ATG2B: variants seen among roughly 807,000 people sequenced by gnomAD.
ATG2B encodes autophagy related 2B, also known as autophagy-related protein 2 homolog B.
ATG2B carries 121 observed loss-of-function variants against 241.3 expected under a neutral mutation model. The observed-to-expected ratio is 0.50, with a 90% CI of 0.43 to 0.58. ATG2B has a LOEUF of 0.58. Among genes scored for constraint, ATG2B ranks in the 20% least tolerant of loss-of-function variants. The pLI, the probability that ATG2B is intolerant of heterozygous loss-of-function variation, is 0.00. For missense variants in ATG2B, 2,306 were observed against 2,491.6 expected, an observed-to-expected ratio of 0.93 and a Z score of 1.59; for synonymous variants, 858 against 876.6, an observed-to-expected ratio of 0.98 and a Z score of 0.37.
In ATG2B at chr14:96,328,719, C is replaced by A; in HGVS notation, c.1929G>T (p.Val643=). 1.2e-6 allele frequency: 2 copies of A among 1,612,308 alleles called. No individual in the cohort carries two copies. Among genetic ancestry groups the A allele is most frequent in the South Asian group, 1.1e-5 (1 of 90,474 alleles). The change falls in exon 13 of 42, where the codon GTG becomes GTT. Residue 643 remains valine, a synonymous_variant. Coordinates refer to ENST00000359933, the MANE Select transcript of ATG2B (RefSeq NM_018036.7). ...SKEETGSHSP[V]CLQLHYKHSE... is the part of the protein sequence containing the mutation. ...AATGCTTATAATGAAGCTGAAGACA[C>A]ACAGGGGAATGGGAACCAGTTTCTT...
rs371523660 is a variant in ATG2B, at chr14:96,329,519, T to C, written c.1846A>G (p.Thr616Ala). The change falls in exon 12 of 42, where the codon ACT becomes GCT. Residue 616 changes from threonine (T) to alanine (A), a missense_variant. Around this residue, in one of 2 missense-constraint regions of ATG2B, gnomAD observed 1,927 missense variants for 2,011.2 expected, o/e 0.96. Transcript: ENST00000359933. ...TGAGGAGGAACAGAATGAAAATCAGTTGGAAATAGGCACTCCAAAAATTCC... is the reference window on the plus strand; with the variant it reads ...TGAGGAGGAACAGAATGAAAATCAGCTGGAAATAGGCACTCCAAAAATTCC... ...QMEFLECLFP[T>A]DFHSVPPHYT... 33 of 1,612,156 alleles carry C rather than the reference T, an allele frequency of 2.0e-5. No homozygotes were observed. The African/African-American group carries it at 3.1e-4, about 15-fold the overall frequency.
intron 35 of ATG2B, 94 bp from the exon 36 acceptor site, chr14:96,295,261 TATTTA>T: frequency 8.3e-7 from 1 of 1,201,138 alleles, no homozygotes; most frequent in Non-Finnish European, 1.2e-6. Flanking sequence ...TTCTACATTT[TATTTA>T]ATCAAAATAC....
In ATG2B at chr14:96,279,763, G is replaced by A. The variant is rs1886148852; in HGVS notation, c.*5992C>T. ...TTTCCCCAGGAGAGCTCTTAGCCCA[G>A]TGATTTTTAACAGGGGATTTTTGTC... On this transcript the variant is annotated 3_prime_UTR_variant, in exon 42 of 42. Transcript: ENST00000359933. 6.6e-6 allele frequency: 1 copy of A among 152,224 alleles called. No individual in the cohort carries two copies. The allele number at this position is 152,224 out of a possible 1,614,324, so 9.4% of individuals were successfully genotyped here.
chr14:96,348,510 C>A lies in ATG2B; in HGVS notation c.163-1169G>T, dbSNP rs146822381. ...CCAGCCTGGCCAACATGGTGAAATC[C>A]CGTCTCTACTAAAATTACAAAAATT... On this transcript the variant is annotated intron_variant, in intron 1 of 41. Coordinates refer to ENST00000359933, the MANE Select transcript of ATG2B (RefSeq NM_018036.7). Among the ~76,000 whole-genome samples, 646 of 152,092 alleles carry A rather than the reference C, an allele frequency of 4.2e-3. 3 individuals are homozygous for A. The highest frequency in any genetic ancestry group is 0.015 in the African/African-American group (613 of 41,498).
At chr14:96,357,583 T>C (rs1888512278) in intron 1 of ATG2B, among the ~76,000 whole-genome samples, 1 of 152,170 alleles carries the variant, frequency 6.6e-6, no homozygotes, top group African/African-American at 2.4e-5. Context: ...GGAGAAAACC[T>C]GCTCCTTCTC....
At position 96,281,370 on chromosome 14, in the gene ATG2B, A is replaced by T. The variant is rs1402976404; in HGVS notation, c.*4385T>A. ...ACAAAAATATTTGTACAGCATCAGTATTCTTATTCACATCCATAATTGCCA... is the reference window on the plus strand; with the variant it reads ...ACAAAAATATTTGTACAGCATCAGTTTTCTTATTCACATCCATAATTGCCA... On this transcript the variant is annotated 3_prime_UTR_variant, in exon 42 of 42. Coordinates refer to ENST00000359933, the MANE Select transcript of ATG2B (RefSeq NM_018036.7). 1 of 152,248 alleles carries T rather than the reference A, an allele frequency of 6.6e-6. No individual in the cohort carries two copies. Among genetic ancestry groups the T allele is most frequent in the Non-Finnish European group, 1.5e-5 (1 of 68,044 alleles). 9.4% of individuals were successfully genotyped at this position (152,248 alleles called of 1,614,324 possible).
At position 96,363,003 on chromosome 14, in the gene ATG2B, G is replaced by T. The variant is rs778648853; in HGVS notation, c.-27C>A. 5.0e-6 allele frequency: 8 copies of T among 1,611,766 alleles called. No individual in the cohort carries two copies. In the Admixed American group the frequency reaches 6.7e-5, roughly 13 times the overall value. ...GTGACTGCTGGCAGCTGGGCTGACT[G>T]CGGCTGCGGGTTGCGACGGCTCCGG... is the stretch of plus-strand genomic sequence containing the variant. On this transcript the variant is annotated 5_prime_UTR_variant, in exon 1 of 42. Transcript: ENST00000359933.
In ATG2B at chr14:96,325,658, C is replaced by T; in HGVS notation, c.2428G>A (p.Glu810Lys). ...GCACATTCAATCTTACCAATTAGTT[C>T]TCTAAAGGTAAGTTCCAATTTAATT... is the stretch of plus-strand genomic sequence containing the variant. ...EQIKLELTFRELIGSFQEEKG... is the reference protein window; with the variant it reads ...EQIKLELTFRKLIGSFQEEKG... Residue 810 changes from glutamate (E) to lysine (K), a missense_variant, in exon 15 of 42, where the codon GAA becomes AAA. By Grantham distance (56) the Glu-to-Lys change is moderately conservative (BLOSUM62 1). Transcript: ENST00000359933. The T allele has an allele frequency of 6.2e-7, 1 of 1,611,718 alleles. No homozygotes were observed. Among genetic ancestry groups the T allele is most frequent in the Non-Finnish European group, 8.5e-7 (1 of 1,179,194 alleles).
intron 29 of ATG2B, among the ~76,000 whole-genome samples, chr14:96,308,199 CATATATATATAAATACATAAATAT>C (rs1566719471): frequency 9.0e-6 from 1 of 111,252 alleles, no homozygotes; most frequent in Non-Finnish European, 1.8e-5. Flanking sequence ...TATATATATA[CATATATATATAAATACATAAATAT>C]ATATATACAT....
chr14:96,311,254 C>A lies in ATG2B; in HGVS notation c.4024G>T (p.Asp1342Tyr). 6.2e-7 allele frequency: 1 copy of A among 1,613,790 alleles called. No individual in the cohort carries two copies. The highest frequency in any genetic ancestry group is 2.2e-5 in the East Asian group (1 of 44,862). The change falls in exon 28 of 42, where the codon GAT becomes TAT. Residue 1342 changes from aspartate (D) to tyrosine (Y), a missense_variant. Physicochemically the swap from Asp to Tyr is radical, Grantham distance 160. Coordinates refer to ENST00000359933, the MANE Select transcript of ATG2B (RefSeq NM_018036.7). ...EPRFELHCSS[D>Y]VVHIRTCSDS... Reference sequence around the variant, plus strand: ...GAGCACGTTCTGATATGGACAACATCGCTGGAACAGTGTAACTCAAAGCGG... The same window carrying A: ...GAGCACGTTCTGATATGGACAACATAGCTGGAACAGTGTAACTCAAAGCGG...
intron 36 of ATG2B, 102 bp from the exon 37 acceptor site, chr14:96,292,200 C>A: frequency 3.3e-6 from 2 of 610,602 alleles, no homozygotes; most frequent in Non-Finnish European, 5.6e-6. Context: ...AACAAAACCA[C>A]AAAATAAATC....
intron 18 of ATG2B, among the ~76,000 whole-genome samples, chr14:96,319,127 C>A (rs867882000): frequency 3.3e-5 from 5 of 152,222 alleles, no homozygotes; most frequent in African/African-American, 1.2e-4. Flanking sequence ...GAAGCCACTG[C>A]CAGGACAATT....
intron 15 of ATG2B, among the ~76,000 whole-genome samples, chr14:96,324,671 AAAC>A (rs982098764): frequency 5.9e-5 from 9 of 152,272 alleles, no homozygotes; most frequent in African/African-American, 1.9e-4. Context: ...TGAAAAACAA[AAAC>A]AACAACAACA....
At chr14:96,306,583 T>C (rs1595300977) in intron 30 of ATG2B, 131 bp downstream of exon 30, 6 of 694,708 alleles carry the variant, frequency 8.6e-6, no homozygotes, top group Non-Finnish European at 1.2e-5. Flanking sequence ...CTGTCAATAG[T>C]ATATTAAAAA....
At chr14:96,310,650 T>C (rs1177473012) in intron 28 of ATG2B, among the ~76,000 whole-genome samples, 1 of 152,116 alleles carries the variant, frequency 6.6e-6, no homozygotes, top group South Asian at 2.1e-4. Context: ...CAGGTCATCA[T>C]GAAAGGAAAA....
rs751604425 is a variant in ATG2B at position 96,290,844 on chromosome 14, C to T, written c.5671G>A (p.Val1891Ile). 13 of 1,613,910 alleles carry T rather than the reference C, an allele frequency of 8.1e-6. No individual in the cohort carries two copies. In the South Asian group the frequency reaches 1.4e-4, roughly 18 times the overall value. The part of the protein sequence containing the change: ...KNQLPGILGG[V>I]GPMHSLVQLV... ...TGTACTAGTGAATGCATAGGTCCAA[C>T]ACCTCCCAGGATTCCTGGTAGCTGG... Residue 1891 changes from valine (V) to isoleucine (I), a missense_variant, in exon 39 of 42, where the codon GTT becomes ATT. This residue lies in a region of ATG2B where 379 missense variants were observed against 480.4 expected (regional missense o/e 0.79). Coordinates refer to ENST00000359933, the MANE Select transcript of ATG2B (RefSeq NM_018036.7). The surrounding 1 kb of genome is among the most constrained non-coding windows in gnomAD (Gnocchi z 4.4).
intron 38 of ATG2B, among the ~76,000 whole-genome samples, chr14:96,291,202 A>T (rs1403313626): frequency 6.6e-6 from 1 of 152,178 alleles, no homozygotes; most frequent in East Asian, 1.9e-4. Context: ...TAATTTCTAC[A>T]AGACTCAGGT....
In ATG2B at chr14:96,334,491, T is replaced by C. The variant is rs781756843; in HGVS notation, c.935A>G (p.Asp312Gly). ...TAGATGAATAGAGTCTATCTGTCCA[T>C]CAACATCCAACTTAAGGGAAAAAAA... ...EVLPGAKLDV[D>G]GQIDSIHLLL... is the part of the protein sequence containing the mutation. Residue 312 changes from aspartate (D) to glycine (G), a missense_variant, in exon 7 of 42, where the codon GAT (aspartate) becomes GGT (glycine). Transcript: ENST00000359933. The C allele has an allele frequency of 4.4e-6, 7 of 1,591,716 alleles. No individual in the cohort carries two copies. The highest frequency in any genetic ancestry group is 4.5e-5 in the East Asian group (2 of 44,552).
chr14:96,295,714 AT>A (rs1886620145), intron 34 of ATG2B, among the ~76,000 whole-genome samples, 154 bp from the exon 35 acceptor site: 1 of 57,986 alleles, frequency 1.7e-5, no homozygotes, highest in Non-Finnish European at 3.7e-5. Flanking sequence ...CATTATTCCT[AT>A]TCTTCCCCCC....
Sources: allele counts gnomAD v4.1 joint callset (sites outside exome capture counted in the v4.1 genomes callset), GRCh38; gene constraint gnomAD v4.1.1; regional missense constraint gnomAD v4.1.1; non-coding constraint Gnocchi (gnomAD v3.1); transcripts MANE v1.5; gene names NCBI Gene and HGNC (gene_info 2026-07-23, HGNC 2026-07-21).